The following DIPK1A variants were observed in gnomAD, a reference collection of about 807,000 sequenced individuals.
DIPK1A encodes the protein divergent protein kinase domain 1A.
A neutral mutation model predicts 40.8 loss-of-function variants in DIPK1A; 27 were observed. That is an observed-to-expected ratio of 0.66 (90% CI 0.49 to 0.91). DIPK1A has a LOEUF of 0.91. Among genes scored for constraint, DIPK1A ranks in the 40% least tolerant of loss-of-function variants. The probability of loss-of-function intolerance (pLI) is 0.00; values close to 1 mark genes in which losing one functional copy is unlikely to be tolerated. For synonymous variants in DIPK1A, 166 were observed against 171.3 expected, an observed-to-expected ratio of 0.97 and a Z score of 0.24; for missense variants, 412 against 505.7, an observed-to-expected ratio of 0.81 and a Z score of 1.78.
At chr1:92,865,579 C>A (rs1046806662) in intron 2 of DIPK1A, among the ~76,000 whole-genome samples, 1 of 152,160 alleles carries the variant, frequency 6.6e-6, no homozygotes, top group Non-Finnish European at 1.5e-5. Flanking sequence ...CATTTCCCTT[C>A]TTGGAGTTTT....
chr1:92,900,557 G>C (rs970961084), intron 1 of DIPK1A, among the ~76,000 whole-genome samples: 5 of 152,206 alleles, frequency 3.3e-5, no homozygotes, highest in East Asian at 1.9e-4. Flanking sequence ...GTATCTCAAT[G>C]AGTTTCCCTA....
intron 1 of DIPK1A, among the ~76,000 whole-genome samples, chr1:92,958,812 A>G (rs1226886560): frequency 1.3e-5 from 2 of 152,218 alleles, no homozygotes; most frequent in African/African-American, 4.8e-5. Context: ...TGGCAAATCA[A>G]ATTTAGTTAG....
At chr1:92,896,473 T>A (rs1343857896) in intron 1 of DIPK1A, among the ~76,000 whole-genome samples, 1 of 152,016 alleles carries the variant, frequency 6.6e-6, no homozygotes. Context: ...TGAAACTGGA[T>A]CCCTTCCTTA....
At chr1:92,899,573 C>T (rs368564419) in intron 1 of DIPK1A, among the ~76,000 whole-genome samples, 11 of 152,000 alleles carry the variant, frequency 7.2e-5, no homozygotes, top group Admixed American at 4.6e-4. Context: ...GGGGAAAACT[C>T]GCTTCTTCAT....
At chr1:92,920,915 C>T (rs891583877) in intron 1 of DIPK1A, among the ~76,000 whole-genome samples, 1 of 151,946 alleles carries the variant, frequency 6.6e-6, no homozygotes, top group African/African-American at 2.4e-5. Flanking sequence ...TGCATAGGAG[C>T]CAGAGAGTAA....
chr1:92,934,194 T>TATC (rs1406352351), intron 1 of DIPK1A: 1 of 152,214 alleles, frequency 6.6e-6, no homozygotes, highest in East Asian at 1.9e-4. Context: ...CAACTTGATC[T>TATC]ATTTCTATGG....
At chr1:92,836,520 T>C (rs1687135265) in intron 4 of DIPK1A, 11 of 819,546 alleles carry the variant, frequency 1.3e-5, no homozygotes, top group Non-Finnish European at 1.9e-5. Flanking sequence ...CTAGGTACCA[T>C]GCAGGAGGAA....
At chr1:92,953,515 CG>C (rs1557499734) in intron 1 of DIPK1A, among the ~76,000 whole-genome samples, 1 of 152,002 alleles carries the variant, frequency 6.6e-6, no homozygotes, top group African/African-American at 2.4e-5. Context: ...AAATGTTCAT[CG>C]ACTAATGAAT....
chr1:92,916,689 C>T (rs1017778490), intron 1 of DIPK1A, among the ~76,000 whole-genome samples: 1 of 152,090 alleles, frequency 6.6e-6, no homozygotes, highest in African/African-American at 2.4e-5. Flanking sequence ...TACAATCTCC[C>T]CCAGGAGGCC....
intron 1 of DIPK1A, among the ~76,000 whole-genome samples, chr1:92,890,752 T>A (rs1256276515): frequency 1.3e-5 from 2 of 152,228 alleles, no homozygotes; most frequent in African/African-American, 4.8e-5. Context: ...TCTATGTTCA[T>A]CAGGTATATT....
chr1:92,895,425 G>A (rs954219561), intron 1 of DIPK1A, among the ~76,000 whole-genome samples: 1 of 152,036 alleles, frequency 6.6e-6, no homozygotes, highest in Non-Finnish European at 1.5e-5. Flanking sequence ...CTCAATAGAT[G>A]CAGAAAAGGC....
chr1:92,889,065 C>A (rs1193327155), intron 1 of DIPK1A, among the ~76,000 whole-genome samples: 1 of 152,064 alleles, frequency 6.6e-6, no homozygotes, highest in East Asian at 1.9e-4. Context: ...GAGGTCTTCT[C>A]CATAAGATCT....
intron 1 of DIPK1A, among the ~76,000 whole-genome samples, chr1:92,895,044 G>C (rs1213382480): frequency 6.6e-6 from 1 of 152,054 alleles, no homozygotes; most frequent in Non-Finnish European, 1.5e-5. Context: ...TCCAGGACCA[G>C]ATGGACTCAC....
chr1:92,844,808 A>G (rs369297050), intron 4 of DIPK1A, among the ~76,000 whole-genome samples: 1 of 152,236 alleles, frequency 6.6e-6, no homozygotes, highest in Non-Finnish European at 1.5e-5. Context: ...AAGATTAAAA[A>G]GTATTTCCGT....
rs758856230 is a variant in DIPK1A, at chr1:92,843,757, TATC to T, written c.910_912del (p.Asp304del). 1.5e-5 allele frequency: 23 copies of T among 1,551,706 alleles called. No individual in the cohort carries two copies. Among genetic ancestry groups the T allele is most frequent in the African/African-American group, 2.7e-5 (2 of 73,056 alleles). On this transcript the variant is annotated inframe_deletion, in exon 5 of 5. Transcript: ENST00000370310. ...ATATCCACCATTTTCAAATCATACT[TATC>T]ATTATATCCTAGGTTTTTGGCACTA... is the stretch of plus-strand genomic sequence containing the variant.
chr1:92,922,228 G>T (rs1423126851), intron 1 of DIPK1A, among the ~76,000 whole-genome samples: 2 of 151,296 alleles, frequency 1.3e-5, no homozygotes, highest in African/African-American at 4.9e-5. Flanking sequence ...AAAAATACAT[G>T]CTCATTTCAA....
chr1:92,925,730 G>A (rs903735182), intron 1 of DIPK1A, among the ~76,000 whole-genome samples: 1 of 151,980 alleles, frequency 6.6e-6, no homozygotes, highest in Non-Finnish European at 1.5e-5. Flanking sequence ...TTCGGACCTT[G>A]TGATCCACCC....
At chr1:92,892,221 C>T (rs1648922441) in intron 1 of DIPK1A, among the ~76,000 whole-genome samples, 1 of 152,086 alleles carries the variant, frequency 6.6e-6, no homozygotes, top group South Asian at 2.1e-4. Context: ...CAACTGGGTC[C>T]CTGACTCCCG....
intron 1 of DIPK1A, among the ~76,000 whole-genome samples, chr1:92,915,931 A>AT (rs1650036079): frequency 6.6e-6 from 1 of 152,230 alleles, no homozygotes; most frequent in African/African-American, 2.4e-5. Context: ...TTATTTAACT[A>AT]TAAAAAGAAA....
Sources: gnomAD v4.1 joint callset for allele counts (sites outside exome capture counted in the v4.1 genomes callset) on GRCh38, gnomAD v4.1.1 for gene constraint, MANE v1.5 for transcripts, NCBI Gene and HGNC (gene_info 2026-07-23, HGNC 2026-07-21) for gene names.